Variants in SORCS1 observed in about 807,000 individuals in gnomAD.
SORCS1 encodes the protein VPS10 domain-containing receptor SorCS1.
A neutral mutation model predicts 146.1 loss-of-function variants in SORCS1; 60 were observed. That is an observed-to-expected ratio of 0.41 (90% confidence interval 0.33 to 0.51). The LOEUF (loss-of-function observed/expected upper bound fraction) is 0.51. SORCS1 is among the 20% of genes least tolerant of loss of function. The pLI is 0.21. For missense variants in SORCS1, 1,352 were observed against 1,487.6 expected, an observed-to-expected ratio of 0.91 and a Z score of 1.50; for synonymous variants, 637 against 584.0, an observed-to-expected ratio of 1.09 and a Z score of -1.31.
intron 3 of SORCS1, among the ~76,000 whole-genome samples, chr10:106,820,281 A>C (rs963727800): frequency 5.9e-5 from 9 of 152,226 alleles, no homozygotes; most frequent in African/African-American, 1.9e-4. Context: ...CCCATACAGC[A>C]GGCCTTTTCA....
intron 1 of SORCS1, among the ~76,000 whole-genome samples, chr10:106,963,670 T>A (rs561164014): frequency 2.7e-5 from 4 of 150,362 alleles, no homozygotes; most frequent in Non-Finnish European, 5.9e-5. Flanking sequence ...TCTTGAATCC[T>A]GGGGGGGGGC....
chr10:107,178,499 TA>T, the SORCS1 span, among the ~76,000 whole-genome samples: 16 of 149,402 alleles, frequency 1.1e-4, no homozygotes, highest in African/African-American at 4.0e-4. Flanking sequence ...TATATATATA[TA>T]TATTTTTTTT....
chr10:107,109,558 C>A (rs1289750974), intron 1 of SORCS1, among the ~76,000 whole-genome samples: 3 of 152,218 alleles, frequency 2.0e-5, no homozygotes, highest in Admixed American at 1.3e-4. Context: ...GGGCCCTGCC[C>A]CTGAAACCAT....
chr10:106,774,072 AT>A (rs1439936062), intron 4 of SORCS1, among the ~76,000 whole-genome samples: 7 of 152,198 alleles, frequency 4.6e-5, no homozygotes, highest in Admixed American at 3.9e-4. Flanking sequence ...CCTCTTAGAT[AT>A]TTAGATCCTT....
At chr10:106,792,368 C>T (rs1946357223) in intron 3 of SORCS1, among the ~76,000 whole-genome samples, 2 of 152,208 alleles carry the variant, frequency 1.3e-5, no homozygotes, top group Non-Finnish European at 2.9e-5. Flanking sequence ...AAAAATAGCT[C>T]ATTGCACAAA....
At chr10:106,902,910 C>G (rs772751935) in intron 2 of SORCS1, among the ~76,000 whole-genome samples, 15 of 152,132 alleles carry the variant, frequency 9.9e-5, no homozygotes, top group Non-Finnish European at 1.8e-4. Flanking sequence ...AACCGTGCCT[C>G]TACTAAAAAT....
intron 1 of SORCS1, among the ~76,000 whole-genome samples, chr10:106,989,082 A>C (rs971893488): frequency 1.3e-5 from 2 of 150,268 alleles, no homozygotes; most frequent in Non-Finnish European, 3.0e-5. Context: ...AACATAGTGC[A>C]ACCCTGCCTC....
At chr10:107,046,300 G>C (rs957472811) in intron 1 of SORCS1, among the ~76,000 whole-genome samples, 3 of 151,946 alleles carry the variant, frequency 2.0e-5, no homozygotes, top group African/African-American at 7.3e-5. Context: ...TTGAACTCCT[G>C]GCCTCAAGCA....
chr10:107,105,767 T>C lies in SORCS1; in HGVS notation c.558+58202A>G, dbSNP rs1965265151. On this transcript the variant is annotated intron_variant, in intron 1 of 25. Coordinates refer to ENST00000263054, the MANE Select transcript of SORCS1 (RefSeq NM_052918.5). ...GCCTCTCCCAGTACACTGACTCAAA[T>C]GTTAATCTCCTTTGGCAACACCCTC... Among the ~76,000 whole-genome samples the C allele has an allele frequency of 2.0e-5, 3 of 152,226 alleles. No individual in the cohort carries two copies. In the South Asian group the frequency reaches 6.2e-4, roughly 32 times the overall value.
intron 7 of SORCS1, 41 bp from the exon 8 acceptor site, chr10:106,706,675 G>A (rs1338452956): frequency 1.9e-6 from 3 of 1,582,680 alleles, no homozygotes; most frequent in Admixed American, 1.7e-5. Context: ...TCGAGCTACT[G>A]TAACAGGCAC....
Position 106,688,354 on chromosome 10 carries a change from A to G in SORCS1, c.1414-16T>C, listed in dbSNP as rs1216331903. On this transcript the variant is annotated splice_polypyrimidine_tract_variant and intron_variant, in intron 9 of 25. Coordinates refer to ENST00000263054, the MANE Select transcript of SORCS1 (RefSeq NM_052918.5). ...TCCCTGCTACCTGGGAAAAATTGAC[A>G]TGGCTGAAAAATACATCAATTTGAG... is the stretch of plus-strand genomic sequence containing the variant. 6.2e-7 allele frequency: 1 copy of G among 1,607,638 alleles called. No homozygotes were observed. Among genetic ancestry groups the G allele is most frequent in the East Asian group, 2.2e-5 (1 of 44,718 alleles).
At chr10:106,760,387 T>G (rs1177716130) in intron 5 of SORCS1, among the ~76,000 whole-genome samples, 2 of 134,506 alleles carry the variant, frequency 1.5e-5, no homozygotes, top group Non-Finnish European at 3.0e-5. Flanking sequence ...GAGCTTGCAG[T>G]GAGCTGAGAT....
chr10:106,756,860 C>T (rs1206771945), intron 5 of SORCS1, among the ~76,000 whole-genome samples: 2 of 152,150 alleles, frequency 1.3e-5, no homozygotes, highest in African/African-American at 4.8e-5. Context: ...TGAAACTCAC[C>T]AGATCATGAA....
intron 23 of SORCS1, among the ~76,000 whole-genome samples, chr10:106,600,953 T>C: frequency 6.6e-6 from 1 of 152,162 alleles, no homozygotes. Context: ...CATTCATCTG[T>C]GAAGCACCCG....
chr10:106,893,387 T>G (rs1951314307), intron 2 of SORCS1, among the ~76,000 whole-genome samples: 2 of 152,198 alleles, frequency 1.3e-5, no homozygotes, highest in African/African-American at 4.8e-5. Flanking sequence ...TTTAACTATA[T>G]TTATTTTTTA....
intron 2 of SORCS1, among the ~76,000 whole-genome samples, chr10:106,837,018 G>A (rs566930990): frequency 6.6e-6 from 1 of 152,282 alleles, no homozygotes; most frequent in South Asian, 2.1e-4. Flanking sequence ...GCCCACTTAT[G>A]TTGCCCAGTG....
intron 1 of SORCS1, among the ~76,000 whole-genome samples, chr10:107,023,218 C>G (rs1424130569): frequency 6.6e-6 from 1 of 152,164 alleles, no homozygotes; most frequent in African/African-American, 2.4e-5. Context: ...AATCAGGACC[C>G]AACCCCAGGG....
intron 1 of SORCS1, among the ~76,000 whole-genome samples, chr10:107,005,775 CAT>C (rs1167664280): frequency 6.6e-6 from 1 of 152,238 alleles, no homozygotes; most frequent in East Asian, 1.9e-4. Flanking sequence ...CAAAAATAGG[CAT>C]ATGATTCTCA....
intron 5 of SORCS1, among the ~76,000 whole-genome samples, chr10:106,736,912 A>G (rs1856988022): frequency 1.3e-5 from 2 of 152,194 alleles, no homozygotes; most frequent in African/African-American, 4.8e-5. Flanking sequence ...AATCTCCTCA[A>G]TGCACAATGG....
Sources: allele counts gnomAD v4.1 joint callset (sites outside exome capture counted in the v4.1 genomes callset), GRCh38; gene constraint gnomAD v4.1.1; transcripts MANE v1.5; gene names NCBI Gene and HGNC (gene_info 2026-07-23, HGNC 2026-07-21).